The following SHOC2 variants were observed in gnomAD, a reference collection of about 807,000 sequenced individuals.
The protein encoded by SHOC2 is leucine-rich repeat protein SHOC-2.
Under a neutral mutation model 50.2 loss-of-function variants are expected in SHOC2, and 4 were observed. That is an observed-to-expected ratio of 0.08 (90% CI 0.04 to 0.18). The LOEUF (loss-of-function observed/expected upper bound fraction) is 0.18, where lower values mean the gene tolerates loss of function less well. Among genes scored for constraint, SHOC2 ranks in the 10% least tolerant of loss-of-function variants. The pLI is 1.00. For synonymous variants in SHOC2, 218 were observed against 244.5 expected (o/e 0.89, Z 1.01); for missense variants, 388 against 669.6 (o/e 0.58, Z 4.64).
chr10:110,993,160 A>AGCCT (rs1044927923), intron 3 of SHOC2, among the ~76,000 whole-genome samples: 2 of 152,220 alleles, frequency 1.3e-5, no homozygotes, highest in African/African-American at 4.8e-5. Flanking sequence ...GGCAGTGATC[A>AGCCT]GCCTACGTTT....
chr10:110,976,196 T>A (rs1189434251), intron 2 of SHOC2, among the ~76,000 whole-genome samples: 1 of 152,094 alleles, frequency 6.6e-6, no homozygotes, highest in Admixed American at 6.5e-5. Context: ...AGGCGTGAGC[T>A]ACCACACCCA....
intron 2 of SHOC2, among the ~76,000 whole-genome samples, chr10:110,983,855 C>T (rs1183123554): frequency 6.6e-6 from 1 of 152,180 alleles, no homozygotes; most frequent in Non-Finnish European, 1.5e-5. Context: ...GAAATGTATT[C>T]AAGTCTGTAT....
intron 4 of SHOC2, among the ~76,000 whole-genome samples, chr10:111,002,515 C>T (rs1848396858): frequency 6.6e-6 from 1 of 152,132 alleles, no homozygotes; most frequent in Admixed American, 6.5e-5. Flanking sequence ...ATTTGAACCA[C>T]ATATTCCCAA....
At chr10:110,950,560 G>C (rs1398743933) in intron 1 of SHOC2, among the ~76,000 whole-genome samples, 2 of 152,132 alleles carry the variant, frequency 1.3e-5, no homozygotes, top group African/African-American at 2.4e-5. Flanking sequence ...ACTCCAAGCA[G>C]CCATAGCAAG....
At chr10:110,995,308 A>G (rs1485979684) in intron 3 of SHOC2, among the ~76,000 whole-genome samples, 1 of 152,242 alleles carries the variant, frequency 6.6e-6, no homozygotes, top group Non-Finnish European at 1.5e-5. Context: ...ATTAATTGCC[A>G]ACTTACGGTG....
chr10:110,950,089 C>G (rs1355272563), intron 1 of SHOC2, among the ~76,000 whole-genome samples: 1 of 151,984 alleles, frequency 6.6e-6, no homozygotes, highest in Admixed American at 6.6e-5. Flanking sequence ...ATGTGGAAAT[C>G]AATAAGGAAA....
intron 2 of SHOC2, among the ~76,000 whole-genome samples, chr10:110,973,793 G>T (rs58101642): frequency 3.4e-4 from 51 of 151,800 alleles, no homozygotes; most frequent in Non-Finnish European, 6.5e-4. Flanking sequence ...CTGTCAGGGC[G>T]TTTGTCTATT....
At chr10:110,927,605 G>A (rs1699385461) in intron 1 of SHOC2, among the ~76,000 whole-genome samples, 1 of 152,196 alleles carries the variant, frequency 6.6e-6, no homozygotes, top group African/African-American at 2.4e-5. Context: ...AACTCAGTAT[G>A]CTAAATGGCT....
At position 110,987,986 on chromosome 10, in the gene SHOC2, G is replaced by A. The variant is rs191595249; in HGVS notation, c.841+2221G>A. On this transcript the variant is annotated intron_variant, in intron 3 of 8. Transcript: ENST00000369452. ...AAAAGTTAAAAAGTCATGGCAGATAGGACTAGACGTTCCAGAAGGCCAAAT... is the reference window on the plus strand; with the variant it reads ...AAAAGTTAAAAAGTCATGGCAGATAAGACTAGACGTTCCAGAAGGCCAAAT... Among the ~76,000 whole-genome samples the A allele has an allele frequency of 3.2e-3, 487 of 152,146 alleles. 26 individuals carry two copies. In the South Asian group the frequency reaches 0.093, roughly 29 times the overall value.
intron 3 of SHOC2, among the ~76,000 whole-genome samples, chr10:110,994,629 G>T (rs1339078929): frequency 1.3e-5 from 2 of 152,034 alleles, no homozygotes; most frequent in East Asian, 3.9e-4. Flanking sequence ...GTTATATGGG[G>T]GAGGGGAGAA....
chr10:110,956,309 G>A (rs1158253821), intron 1 of SHOC2, among the ~76,000 whole-genome samples: 1 of 152,104 alleles, frequency 6.6e-6, no homozygotes, highest in Non-Finnish European at 1.5e-5. Context: ...CGCCTCCCGG[G>A]TTCAAGTGAT....
chr10:110,938,410 T>C (rs1847070954), intron 1 of SHOC2, among the ~76,000 whole-genome samples: 1 of 152,176 alleles, frequency 6.6e-6, no homozygotes, highest in Non-Finnish European at 1.5e-5. Context: ...TAGCCTTTGT[T>C]ACTCTAGTTA....
chr10:110,946,968 A>G (rs1847257404), intron 1 of SHOC2, among the ~76,000 whole-genome samples: 1 of 152,226 alleles, frequency 6.6e-6, no homozygotes, highest in Non-Finnish European at 1.5e-5. Context: ...ATAACCACTC[A>G]TAGACAAAAA....
chr10:111,006,472 G>A (rs1195643614), intron 5 of SHOC2, among the ~76,000 whole-genome samples: 1 of 151,760 alleles, frequency 6.6e-6, no homozygotes, highest in Non-Finnish European at 1.5e-5. Flanking sequence ...CCGGGTTCAC[G>A]CCATTCTCCT....
intron 1 of SHOC2, among the ~76,000 whole-genome samples, chr10:110,922,603 A>G (rs1309244221): frequency 6.6e-6 from 1 of 152,064 alleles, no homozygotes; most frequent in East Asian, 1.9e-4. Flanking sequence ...GGTTTACTAT[A>G]TGATTCATGT....
At chr10:110,955,683 A>G (rs1027591616) in intron 1 of SHOC2, among the ~76,000 whole-genome samples, 2 of 152,234 alleles carry the variant, frequency 1.3e-5, no homozygotes, top group Non-Finnish European at 2.9e-5. Context: ...CAAGAAATAC[A>G]TAATGTGACT....
chr10:110,968,013 CTA>C (rs1267670296), intron 2 of SHOC2, among the ~76,000 whole-genome samples: 2 of 152,074 alleles, frequency 1.3e-5, no homozygotes, highest in African/African-American at 2.4e-5. Context: ...TATGGTAACT[CTA>C]TGTTTAACCT....
chr10:110,966,960 A>G (rs1461370807), intron 2 of SHOC2, among the ~76,000 whole-genome samples: 1 of 152,198 alleles, frequency 6.6e-6, no homozygotes, highest in Non-Finnish European at 1.5e-5. Flanking sequence ...TATGATTTAT[A>G]AAGTTTAACT....
intron 5 of SHOC2, 23 bp from the exon 6 acceptor site, chr10:111,007,508 A>G: frequency 6.2e-7 from 1 of 1,613,090 alleles, no homozygotes; most frequent in Non-Finnish European, 8.5e-7. Flanking sequence ...TCTACCTTGG[A>G]TGCTTCTTTT....
Sources: gnomAD v4.1 joint callset for allele counts (sites outside exome capture counted in the v4.1 genomes callset) on GRCh38, gnomAD v4.1.1 for gene constraint, MANE v1.5 for transcripts, NCBI Gene and HGNC (gene_info 2026-07-23, HGNC 2026-07-21) for gene names.